The following FUT5 variants were observed in gnomAD, a reference collection of about 807,000 sequenced individuals.
FUT5 encodes the protein 4-galactosyl-N-acetylglucosaminide 3-alpha-L-fucosyltransferase FUT5.
FUT5 carries 1 observed loss-of-function variant against 0.8 expected under a neutral mutation model. The observed-to-expected ratio is 1.26, with a 90% CI of 0.45 to 5.99. The LOEUF (loss-of-function observed/expected upper bound fraction) is 5.99. Ranked by LOEUF, FUT5 falls within the 30% of genes most tolerant of loss-of-function variation. FUT5 has a pLI of 0.15. For synonymous variants in FUT5, 212 were observed against 225.7 expected, an observed-to-expected ratio of 0.94 and a Z score of 0.54; for missense variants, 437 against 517.8, an observed-to-expected ratio of 0.84 and a Z score of 1.51.
chr19:5,867,203 C>T lies in FUT5; in HGVS notation c.523G>A (p.Asp175Asn), dbSNP rs573677192. The T allele has an allele frequency of 2.9e-5, 46 of 1,610,834 alleles. No individual in the cohort carries two copies. In the Middle Eastern group the frequency reaches 5.0e-4, roughly 17 times the overall value. Residue 175 changes from aspartate (D) to asparagine (N), a missense_variant, in exon 2 of 2, where the codon GAC (aspartate) becomes AAC (asparagine). Asp to Asn is a conservative substitution (Grantham distance 23). Coordinates refer to ENST00000588525, the MANE Select transcript of FUT5 (RefSeq NM_002034.2). This position sits in a 1 kb window ranked among gnomAD's most constrained non-coding sequence, Gnocchi z 5.0. The part of the protein sequence containing the change: ...YFNLTMSYRS[D>N]SDIFTPYGWL... ...CCGTAGGGCGTGAAGATGTCGGAGT[C>T]GCTGCGGTAGGACATGGTGAGATTG...
rs182195373 is a variant in FUT5, at chr19:5,868,733, G to A, written c.-12-996C>T. ...GCCTGTAATCCCAGCTACTTGGGAGGCTGAGGCAGGAAAATCACTTGAAAT... is the reference window on the plus strand; with the variant it reads ...GCCTGTAATCCCAGCTACTTGGGAGACTGAGGCAGGAAAATCACTTGAAAT... On this transcript the variant is annotated intron_variant, in intron 1 of 1. Coordinates refer to ENST00000588525, the MANE Select transcript of FUT5 (RefSeq NM_002034.2). Among the ~76,000 whole-genome samples the A allele has an allele frequency of 4.1e-4, 63 of 152,308 alleles. 2 individuals carry two copies. In the East Asian group the frequency reaches 9.3e-3, roughly 22 times the overall value.
intron 1 of FUT5, among the ~76,000 whole-genome samples, chr19:5,868,721 G>A (rs537516324): frequency 3.5e-4 from 53 of 152,270 alleles, no homozygotes; most frequent in Admixed American, 2.9e-3. Context: ...TGTAATCCCA[G>A]CTACTTGGGA....
At chr19:5,869,690 T>A (rs2057516946) in intron 1 of FUT5, among the ~76,000 whole-genome samples, 1 of 152,152 alleles carries the variant, frequency 6.6e-6, no homozygotes, top group East Asian at 1.9e-4. Context: ...TTTCTTAGTA[T>A]GAAAGAAAGG....
rs773180104 is a variant in FUT5, at chr19:5,866,594, C to T, written c.*7G>A. 5.3e-5 allele frequency: 85 copies of T among 1,612,996 alleles called. No homozygotes were observed. The highest frequency in any genetic ancestry group is 4.9e-4 in the South Asian group (45 of 91,068). ...GGTCCCGGCAGCCCAGGCCCCATGC[C>T]GGCCTCTCAGGTGAACCAAGCCGCT... On this transcript the variant is annotated 3_prime_UTR_variant, in exon 2 of 2. Transcript: ENST00000588525. The surrounding 1 kb of genome is among the most constrained non-coding windows in gnomAD (Gnocchi z 4.9).
chr19:5,870,396 C>G (rs1442164179), intron 1 of FUT5, 69 bp downstream of exon 1: 1 of 152,162 alleles, frequency 6.6e-6, no homozygotes, highest in East Asian at 1.9e-4. Flanking sequence ...AGCAGCCTGA[C>G]TCACAACAGA....
Position 5,866,386 on chromosome 19 carries a change from T to C in FUT5, c.*215A>G. 1.3e-6 allele frequency: 1 copy of C among 757,902 alleles called. No homozygotes were observed. Among genetic ancestry groups the C allele is most frequent in the Non-Finnish European group, 2.1e-6 (1 of 468,916 alleles). 46.9% of individuals were successfully genotyped at this position (757,902 alleles called of 1,614,324 possible). Reference sequence around the variant, plus strand: ...CAAGGTCCCCAGCAGGGGAGGCTCCTGGCAGTGAAGCCCGGCAAGTGAAAT... The same window carrying C: ...CAAGGTCCCCAGCAGGGGAGGCTCCCGGCAGTGAAGCCCGGCAAGTGAAAT... On this transcript the variant is annotated 3_prime_UTR_variant, in exon 2 of 2. Coordinates refer to ENST00000588525, the MANE Select transcript of FUT5 (RefSeq NM_002034.2). This position sits in a 1 kb window ranked among gnomAD's most constrained non-coding sequence, Gnocchi z 4.9.
chr19:5,866,241 T>G lies in FUT5; in HGVS notation c.*360A>C. On this transcript the variant is annotated 3_prime_UTR_variant, in exon 2 of 2. Transcript: ENST00000588525. The surrounding 1 kb of genome is among the most constrained non-coding windows in gnomAD (Gnocchi z 4.9). Reference sequence around the variant, plus strand: ...GAGGCTCCTAGCAGGTGACATTCAGTGTGGCAAGGTCTCTGGGAGCAGGTC... The same window carrying G: ...GAGGCTCCTAGCAGGTGACATTCAGGGTGGCAAGGTCTCTGGGAGCAGGTC... 2.4e-6 allele frequency: 1 copy of G among 409,128 alleles called. No individual in the cohort carries two copies. Among genetic ancestry groups the G allele is most frequent in the Non-Finnish European group, 4.6e-6 (1 of 218,090 alleles). 25.3% of individuals were successfully genotyped at this position (409,128 alleles called of 1,614,324 possible).
intron 1 of FUT5, among the ~76,000 whole-genome samples, chr19:5,870,066 C>CAAAAA (rs72405451): frequency 4.5e-4 from 32 of 70,404 alleles, no homozygotes; most frequent in East Asian, 8.4e-4. Flanking sequence ...AACTCCATCT[C>CAAAAA]AAAAAAAAAA....
chr19:5,866,347 C>T lies in FUT5; in HGVS notation c.*254G>A. 6 of 620,706 alleles carry T rather than the reference C, an allele frequency of 9.7e-6. No individual in the cohort carries two copies. In the South Asian group the frequency reaches 1.2e-4, roughly 12 times the overall value. 38.4% of individuals were successfully genotyped at this position (620,706 alleles called of 1,614,324 possible). On this transcript the variant is annotated 3_prime_UTR_variant, in exon 2 of 2. Transcript: ENST00000588525. The surrounding 1 kb of genome is among the most constrained non-coding windows in gnomAD (Gnocchi z 4.9). The stretch of plus-strand genomic sequence containing the variant: ...GCAAGGTCCCCAGTAGGCACCATCC[C>T]CAGCCCCAGCTGGCAAGGTCCCCAG...
In FUT5 at chr19:5,867,330, G is replaced by A; in HGVS notation, c.396C>T (p.Ala132=). 1 of 1,613,838 alleles carries A rather than the reference G, an allele frequency of 6.2e-7. No homozygotes were observed. Among genetic ancestry groups the A allele is most frequent in the Non-Finnish European group, 8.5e-7 (1 of 1,180,030 alleles). ...GCGGCCTGGTGGGGGGCGGGAGGTT[G>A]GCACTGGGGTTGTACATGATATCCC... ...HHWDIMYNPS[A]NLPPPTRPQG... Residue 132 remains alanine, a synonymous_variant, in exon 2 of 2, where the codon GCC becomes GCT. Transcript: ENST00000588525. The surrounding 1 kb of genome is among the most constrained non-coding windows in gnomAD (Gnocchi z 5.0).
chr19:5,868,700 G>A (rs143818584), intron 1 of FUT5, among the ~76,000 whole-genome samples: 1,650 of 152,290 alleles, frequency 0.011, 15 homozygotes, highest in South Asian at 0.03. Flanking sequence ...GCCGGATGTG[G>A]TGGTGGTGCC....
intron 1 of FUT5, among the ~76,000 whole-genome samples, chr19:5,870,206 A>G (rs968099973): frequency 1.1e-4 from 16 of 151,560 alleles, no homozygotes; most frequent in African/African-American, 3.9e-4. Context: ...ACCGTGAGCC[A>G]CTGTGCCTGG....
At position 5,867,645 on chromosome 19, in the gene FUT5, A is replaced by G. The variant is rs148754437; in HGVS notation, c.81T>C (p.Ala27=). The G allele has an allele frequency of 1.4e-5, 23 of 1,613,330 alleles. No individual in the cohort carries two copies. The highest frequency in any genetic ancestry group is 1.9e-5 in the Non-Finnish European group (23 of 1,180,026). ...CACGCAGGTAGGAGAAGAAACACAC[A>G]GCCACCAGCAGCTGAAACAGCAGCC... ...LAGLLFQLLV[A]VCFFSYLRVS... The change falls in exon 2 of 2, where the codon GCT becomes GCC. Residue 27 remains alanine (A), a synonymous_variant. Transcript: ENST00000588525. This position sits in a 1 kb window ranked among gnomAD's most constrained non-coding sequence, Gnocchi z 5.0.
At chr19:5,869,499 C>T (rs2144922363) in intron 1 of FUT5, among the ~76,000 whole-genome samples, 1 of 152,004 alleles carries the variant, frequency 6.6e-6, no homozygotes, top group South Asian at 2.1e-4. Flanking sequence ...GATCCACCTG[C>T]CTCGGCCTCC....
In FUT5 at chr19:5,867,759, G is replaced by A. The variant is rs767926758; in HGVS notation, c.-12-22C>T. On this transcript the variant is annotated intron_variant, in intron 1 of 1. Coordinates refer to ENST00000588525, the MANE Select transcript of FUT5 (RefSeq NM_002034.2). This position sits in a 1 kb window ranked among gnomAD's most constrained non-coding sequence, Gnocchi z 5.0. ...GTAGCTGGGAAGAGAGGAGAGAGGA[G>A]TGAGGGTCATTAAGGAAGATCACCC... is the stretch of plus-strand genomic sequence containing the variant. 5.6e-6 allele frequency: 9 copies of A among 1,610,010 alleles called. No individual in the cohort carries two copies. In the South Asian group the frequency reaches 8.8e-5, roughly 16 times the overall value.
chr19:5,867,298 T>A lies in FUT5; in HGVS notation c.428A>T (p.Gln143Leu). ...NLPPPTRPQG[Q>L]RWIWFSMESP... The stretch of plus-strand genomic sequence containing the variant: ...CTCCATGCTGAACCAGATCCAGCGC[T>A]GCCCCTGCGGCCTGGTGGGGGGCGG... Residue 143 changes from glutamine (Q) to leucine (L), a missense_variant, in exon 2 of 2, where the codon CAG (glutamine) becomes CTG (leucine). Coordinates refer to ENST00000588525, the MANE Select transcript of FUT5 (RefSeq NM_002034.2). The surrounding 1 kb of genome is among the most constrained non-coding windows in gnomAD (Gnocchi z 5.0). The A allele has an allele frequency of 1.2e-6, 2 of 1,613,546 alleles. No homozygotes were observed. Among genetic ancestry groups the A allele is most frequent in the Non-Finnish European group, 1.7e-6 (2 of 1,180,014 alleles).
Position 5,866,739 on chromosome 19 carries a change from G to T in FUT5, c.987C>A (p.Tyr329Ter). 1 of 1,599,232 alleles carries T rather than the reference G, an allele frequency of 6.3e-7. No individual in the cohort carries two copies. Among genetic ancestry groups the T allele is most frequent in the South Asian group, 1.1e-5 (1 of 89,792 alleles). ...LQELDKDHAR[Y>*]LSYFHWRETL... is the part of the protein sequence containing the mutation. ...TCTCCCGCCAGTGAAAGTAGCTCAG[G>T]TAGCGGGCGTGGTCCTTGTCCAGCT... The change falls in exon 2 of 2, where the codon TAC (tyrosine) becomes TAA (stop). Residue 329 changes from tyrosine to a stop codon, truncating the protein, a stop_gained. Coordinates refer to ENST00000588525, the MANE Select transcript of FUT5 (RefSeq NM_002034.2). LOFTEE classifies it low-confidence loss of function (END_TRUNC). This position sits in a 1 kb window ranked among gnomAD's most constrained non-coding sequence, Gnocchi z 4.9.
rs149142282 is a variant in FUT5, at chr19:5,866,968, C to T, written c.758G>A (p.Arg253Gln). Residue 253 changes from arginine (R) to glutamine (Q), a missense_variant, in exon 2 of 2, where the codon CGG (arginine) becomes CAG (glutamine). Physicochemically the swap from Arg to Gln is conservative, Grantham distance 43. Around this residue, in one of 2 missense-constraint regions of FUT5, gnomAD observed 176 missense variants for 275.2 expected, o/e 0.64. Coordinates refer to ENST00000588525, the MANE Select transcript of FUT5 (RefSeq NM_002034.2). The surrounding 1 kb of genome is among the most constrained non-coding windows in gnomAD (Gnocchi z 4.9). ...CTCGAAGGCCAGATAGAACTTGTACCGGGACAGCGTCTCCATCATGGTCCC... is the reference window on the plus strand; with the variant it reads ...CTCGAAGGCCAGATAGAACTTGTACTGGGACAGCGTCTCCATCATGGTCCC... ...PKGTMMETLS[R>Q]YKFYLAFENS... 1.3e-3 allele frequency: 2,075 copies of T among 1,613,552 alleles called. 4 individuals are homozygous for T. Among genetic ancestry groups the T allele is most frequent in the Non-Finnish European group, 1.5e-3 (1,764 of 1,179,788 alleles).
chr19:5,866,225 A>AG lies in FUT5; in HGVS notation c.*375dup. ...GTGCCTCCCAGCGGGTGAGGCTCCT[A>AG]GCAGGTGACATTCAGTGTGGCAAGG... On this transcript the variant is annotated 3_prime_UTR_variant, in exon 2 of 2. Transcript: ENST00000588525. The surrounding 1 kb of genome is among the most constrained non-coding windows in gnomAD (Gnocchi z 4.9). The AG allele has an allele frequency of 2.6e-6, 1 of 385,046 alleles. No homozygotes were observed. Among genetic ancestry groups the AG allele is most frequent in the Non-Finnish European group, 4.9e-6 (1 of 202,824 alleles). The allele number at this position is 385,046 out of a possible 1,614,324, so 23.9% of individuals were successfully genotyped here.
Sources: gnomAD v4.1 joint callset for allele counts (sites outside exome capture counted in the v4.1 genomes callset) on GRCh38, gnomAD v4.1.1 for gene constraint, gnomAD v4.1.1 regional missense constraint, Gnocchi (gnomAD v3.1) non-coding constraint, MANE v1.5 for transcripts, NCBI Gene and HGNC (gene_info 2026-07-23, HGNC 2026-07-21) for gene names.